Variants in NLGN1 observed in about 807,000 individuals in gnomAD.
NLGN1 encodes neuroligin 1, also known as neuroligin-1.
NLGN1 carries 12 observed loss-of-function variants against 65.5 expected under a neutral mutation model. The ratio of observed to expected loss-of-function variants is 0.18; its 90% CI spans 0.12 to 0.30. The LOEUF (loss-of-function observed/expected upper bound fraction) is 0.30. NLGN1 is among the 10% of genes least tolerant of loss of function. The pLI is 1.00. For missense variants in NLGN1, 750 were observed against 1,007.1 expected, an observed-to-expected ratio of 0.74 and a Z score of 3.46; for synonymous variants, 350 against 359.5, an observed-to-expected ratio of 0.97 and a Z score of 0.30.
At chr3:174,200,639 T>C (rs1365541594) in intron 4 of NLGN1, among the ~76,000 whole-genome samples, 1 of 152,220 alleles carries the variant, frequency 6.6e-6, no homozygotes, top group East Asian at 1.9e-4. Flanking sequence ...TGCTATATGT[T>C]GCAGAAATAT....
At chr3:173,613,337 A>G (rs1304477898) in intron 3 of NLGN1, among the ~76,000 whole-genome samples, 3 of 152,094 alleles carry the variant, frequency 2.0e-5, no homozygotes, top group Admixed American at 6.6e-5. Context: ...TCAAAACTCA[A>G]TGTGATAGCT....
intron 2 of NLGN1, among the ~76,000 whole-genome samples, chr3:173,435,607 G>A (rs915547005): frequency 6.6e-6 from 1 of 152,150 alleles, no homozygotes; most frequent in Non-Finnish European, 1.5e-5. Context: ...GACTGAGGTG[G>A]GGGCATATCA....
chr3:173,696,520 G>A (rs954666415), intron 3 of NLGN1, among the ~76,000 whole-genome samples: 8 of 152,100 alleles, frequency 5.3e-5, no homozygotes, highest in African/African-American at 1.9e-4. Flanking sequence ...ATCATCTGTG[G>A]CCCAATAATG....
At chr3:173,979,014 A>C (rs2152389221) in intron 4 of NLGN1, among the ~76,000 whole-genome samples, 1 of 152,016 alleles carries the variant, frequency 6.6e-6, no homozygotes, top group East Asian at 1.9e-4. Context: ...CAAAAAAAAA[A>C]AATTGAATCA....
intron 3 of NLGN1, among the ~76,000 whole-genome samples, chr3:173,634,521 T>C (rs1294450458): frequency 6.6e-6 from 1 of 152,150 alleles, no homozygotes; most frequent in Non-Finnish European, 1.5e-5. Context: ...TCTTTTCAAC[T>C]AGCAATAAAT....
At chr3:173,917,867 G>GTGTGTGTGTGTT (rs1375314398) in intron 4 of NLGN1, among the ~76,000 whole-genome samples, 84 of 152,138 alleles carry the variant, frequency 5.5e-4, no homozygotes, top group African/African-American at 1.8e-3. Context: ...GTGTGTGTGT[G>GTGTGTGTGTGTT]TGTTGGCCTT....
chr3:174,123,787 C>T (rs1181482259), intron 4 of NLGN1, among the ~76,000 whole-genome samples: 2 of 152,114 alleles, frequency 1.3e-5, no homozygotes, highest in South Asian at 2.1e-4. Flanking sequence ...TCTAAGGCTT[C>T]CTTCACTAAT....
intron 2 of NLGN1, among the ~76,000 whole-genome samples, chr3:173,571,467 G>C (rs550591188): frequency 1.3e-5 from 2 of 152,082 alleles, no homozygotes; most frequent in African/African-American, 4.8e-5. Flanking sequence ...TTTTTATGTT[G>C]CATTTTTCTT....
At chr3:173,723,712 G>A (rs1771261697) in intron 3 of NLGN1, among the ~76,000 whole-genome samples, 1 of 152,166 alleles carries the variant, frequency 6.6e-6, no homozygotes, top group African/African-American at 2.4e-5. Context: ...AAATGAGATA[G>A]AAAGTCAGAG....
At chr3:174,227,037 G>A (rs889740575) in intron 4 of NLGN1, among the ~76,000 whole-genome samples, 1 of 152,094 alleles carries the variant, frequency 6.6e-6, no homozygotes, top group African/African-American at 2.4e-5. Context: ...TTTTAGGCCT[G>A]GTCTAGTAAG....
chr3:174,168,051 A>G (rs1019732296), intron 4 of NLGN1, among the ~76,000 whole-genome samples: 5 of 152,068 alleles, frequency 3.3e-5, no homozygotes, highest in Admixed American at 3.3e-4. Flanking sequence ...TTCAGAAATT[A>G]GTTTCTCAAT....
intron 2 of NLGN1, among the ~76,000 whole-genome samples, chr3:173,522,068 G>A (rs573305180): frequency 9.2e-5 from 14 of 152,136 alleles, no homozygotes; most frequent in Non-Finnish European, 1.6e-4. Context: ...CATTGTGTCC[G>A]ACAGGTAATT....
intron 3 of NLGN1, among the ~76,000 whole-genome samples, chr3:173,712,636 G>A (rs1387364591): frequency 6.6e-6 from 1 of 152,110 alleles, no homozygotes; most frequent in Non-Finnish European, 1.5e-5. Flanking sequence ...TAATACACGG[G>A]AAGTGCCCAG....
intron 2 of NLGN1, among the ~76,000 whole-genome samples, chr3:173,466,701 A>G: frequency 6.6e-6 from 1 of 152,240 alleles, no homozygotes; most frequent in East Asian, 1.9e-4. Context: ...CATAAGTGAA[A>G]TGGTTAGACA....
At chr3:173,964,799 G>T (rs1272564210) in intron 4 of NLGN1, among the ~76,000 whole-genome samples, 1 of 151,944 alleles carries the variant, frequency 6.6e-6, no homozygotes, top group African/African-American at 2.4e-5. Flanking sequence ...TCATATTTTT[G>T]AAACTATATA....
intron 4 of NLGN1, among the ~76,000 whole-genome samples, chr3:173,908,061 C>G (rs1226192274): frequency 1.3e-5 from 2 of 152,062 alleles, no homozygotes; most frequent in Non-Finnish European, 2.9e-5. Context: ...CTGTAGAGCT[C>G]AAAGAGAAAA....
chr3:174,223,758 C>T (rs965867428), intron 4 of NLGN1, among the ~76,000 whole-genome samples: 1 of 152,182 alleles, frequency 6.6e-6, no homozygotes, highest in Admixed American at 6.5e-5. Flanking sequence ...TCTCAAATCA[C>T]CAAGTATGTC....
intron 4 of NLGN1, among the ~76,000 whole-genome samples, chr3:174,085,665 TAGAA>T: frequency 6.6e-6 from 1 of 151,754 alleles, no homozygotes; most frequent in South Asian, 2.1e-4. Flanking sequence ...AGGCTACCCT[TAGAA>T]AGAAAGTGGA....
chr3:173,944,625 C>G (rs544016337), intron 4 of NLGN1, among the ~76,000 whole-genome samples: 1 of 152,264 alleles, frequency 6.6e-6, no homozygotes, highest in South Asian at 2.1e-4. Flanking sequence ...CCAATCAAGT[C>G]TCTTAATAAC....
Sources: gnomAD v4.1 joint callset for allele counts (sites outside exome capture counted in the v4.1 genomes callset) on GRCh38, gnomAD v4.1.1 for gene constraint, MANE v1.5 for transcripts, NCBI Gene and HGNC (gene_info 2026-07-23, HGNC 2026-07-21) for gene names.